The following POLD3 variants were observed in gnomAD, a reference collection of about 807,000 sequenced individuals.
POLD3 encodes DNA polymerase delta 3, accessory subunit.
In POLD3, 19 loss-of-function variants were observed where a neutral mutation model predicts 58.2. That is an observed-to-expected ratio of 0.33 (90% CI 0.23 to 0.48). The LOEUF (loss-of-function observed/expected upper bound fraction) is 0.48, where lower values mean the gene tolerates loss of function less well. Ranked by LOEUF, POLD3 falls within the 20% of genes least tolerant of loss-of-function variation. The probability of loss-of-function intolerance (pLI) is 0.99; values close to 1 mark genes in which losing one functional copy is unlikely to be tolerated. For missense variants in POLD3, 504 were observed against 545.5 expected (o/e 0.92, Z 0.76); for synonymous variants, 172 against 193.5 (o/e 0.89, Z 0.92).
chr11:74,647,563 A>T (rs907065160), downstream of POLD3, among the ~76,000 whole-genome samples: 1 of 152,280 alleles, frequency 6.6e-6, no homozygotes, highest in South Asian at 2.1e-4. Flanking sequence ...ACAGTATAGC[A>T]ACCCCTAAGA....
intron 7 of POLD3, among the ~76,000 whole-genome samples, chr11:74,622,286 T>C (rs2032288368): frequency 6.6e-6 from 1 of 152,112 alleles, no homozygotes; most frequent in African/African-American, 2.4e-5. Context: ...GACATTTGGC[T>C]TGGTTCCAAG....
At chr11:74,661,154 T>C (rs1007112895) in intron 4 of POLD3, among the ~76,000 whole-genome samples, 10 of 152,202 alleles carry the variant, frequency 6.6e-5, no homozygotes, top group African/African-American at 2.4e-4. Context: ...TTGAATTTTC[T>C]GTCTGAAAGG....
Position 74,641,553 on chromosome 11 carries a change from T to A in POLD3, c.*787T>A, listed in dbSNP as rs564046970. On this transcript the variant is annotated 3_prime_UTR_variant, in exon 12 of 12. Transcript: ENST00000263681. Reference sequence around the variant, plus strand: ...GAGCTGCCGTGCTGCTGATACGGGGTGTGCTTTATGCTGCTCTTTGCGGTT... The same window carrying A: ...GAGCTGCCGTGCTGCTGATACGGGGAGTGCTTTATGCTGCTCTTTGCGGTT... 6 of 985,192 alleles carry A rather than the reference T, an allele frequency of 6.1e-6. No individual in the cohort carries two copies. The highest frequency in any genetic ancestry group is 7.2e-6 in the Non-Finnish European group (6 of 829,906). 61.0% of individuals were successfully genotyped at this position (985,192 alleles called of 1,614,324 possible).
At chr11:74,609,372 A>ATATATATT (rs2031821525) in intron 3 of POLD3, among the ~76,000 whole-genome samples, 13 of 27,210 alleles carry the variant, frequency 4.8e-4, no homozygotes, top group Non-Finnish European at 6.1e-4. Flanking sequence ...ATATATATAT[A>ATATATATT]TTTTTTTTTT....
chr11:74,669,280 G>A (rs1469832466), downstream of POLD3, among the ~76,000 whole-genome samples: 1 of 152,224 alleles, frequency 6.6e-6, no homozygotes, highest in Non-Finnish European at 1.5e-5. Context: ...TCAAATGTAA[G>A]GGATTATTAT....
chr11:74,593,257 C>G (rs2031101426), intron 1 of POLD3, among the ~76,000 whole-genome samples: 1 of 152,142 alleles, frequency 6.6e-6, no homozygotes, highest in African/African-American at 2.4e-5. Context: ...TGCTGTGTGC[C>G]AAGGCACTTT....
intron 2 of POLD3, among the ~76,000 whole-genome samples, chr11:74,601,107 G>A (rs2031480278): frequency 6.6e-6 from 1 of 152,204 alleles, no homozygotes; most frequent in Admixed American, 6.5e-5. Flanking sequence ...GGAGACAAGT[G>A]CATAGAGGAC....
chr11:74,622,953 AATG>A (rs1386166214), intron 7 of POLD3, among the ~76,000 whole-genome samples: 2 of 152,268 alleles, frequency 1.3e-5, no homozygotes, highest in African/African-American at 4.8e-5. Flanking sequence ...TCATCTGATG[AATG>A]GATAAACAAA....
Position 74,641,989 on chromosome 11 carries a change from C to A in POLD3, c.*1223C>A. 1 of 985,414 alleles carries A rather than the reference C, an allele frequency of 1.0e-6. No homozygotes were observed. Among genetic ancestry groups the A allele is most frequent in the Non-Finnish European group, 1.2e-6 (1 of 829,936 alleles). 61.0% of individuals were successfully genotyped at this position (985,414 alleles called of 1,614,324 possible). A position where few individuals can be genotyped will look rare whatever the true frequency, so the allele number is the denominator to read the frequency against. Reference sequence around the variant, plus strand: ...GACAGGCGGTGAGCTCAGTGGATTGCAGTGGTGTGCTGGTGATTTTGCACA... The same window carrying A: ...GACAGGCGGTGAGCTCAGTGGATTGAAGTGGTGTGCTGGTGATTTTGCACA... On this transcript the variant is annotated 3_prime_UTR_variant, in exon 12 of 12. Transcript: ENST00000263681.
chr11:74,651,126 C>T (rs1445907541), intron 4 of POLD3, among the ~76,000 whole-genome samples: 1 of 152,238 alleles, frequency 6.6e-6, no homozygotes, highest in Non-Finnish European at 1.5e-5. Context: ...GCTATCTCCT[C>T]CACCACAATA....
At chr11:74,609,582 C>T (rs1252065347) in intron 3 of POLD3, among the ~76,000 whole-genome samples, 3 of 151,320 alleles carry the variant, frequency 2.0e-5, no homozygotes, top group African/African-American at 7.3e-5. Context: ...GGGGCTTTGC[C>T]ATCTCGGCCA....
At chr11:74,606,945 G>A (rs990764282) in intron 3 of POLD3, among the ~76,000 whole-genome samples, 10 of 152,048 alleles carry the variant, frequency 6.6e-5, no homozygotes, top group Non-Finnish European at 1.2e-4. Context: ...TTTATTAAGA[G>A]TGGGGTTGCT....
intron 9 of POLD3, 91 bp downstream of exon 9, chr11:74,629,414 G>GCT: frequency 1.5e-6 from 1 of 683,412 alleles, no homozygotes; most frequent in South Asian, 1.8e-5. Context: ...GGATCACAAT[G>GCT]AGAGTAGTAA....
chr11:74,619,990 A>C, intron 6 of POLD3, 27 bp from the exon 7 acceptor site: 1 of 1,599,728 alleles, frequency 6.3e-7, no homozygotes, highest in Non-Finnish European at 8.6e-7. Context: ...GCCAGCAAAA[A>C]ATCATATGTG....
At chr11:74,601,706 T>C (rs1332970130) in intron 2 of POLD3, among the ~76,000 whole-genome samples, 1 of 152,154 alleles carries the variant, frequency 6.6e-6, no homozygotes, top group Non-Finnish European at 1.5e-5. Flanking sequence ...GAGGATGGCT[T>C]GAGCCCAGGA....
rs565083320 is a variant in POLD3, at chr11:74,637,739, A to C, written c.1198+1464A>C. 4.7e-5 allele frequency among the ~76,000 whole-genome samples: 7 copies of C among 149,042 alleles called. No homozygotes were observed. In the East Asian group the frequency reaches 1.4e-3, roughly 29 times the overall value. ...AGGTGTGTGATGTGGACTTTTTTGC[A>C]CTCCTGTCTCCAGACAGGACTGTTA... is the stretch of plus-strand genomic sequence containing the variant. On this transcript the variant is annotated intron_variant, in intron 11 of 11. Transcript: ENST00000263681.
At chr11:74,652,836 T>C in intron 4 of POLD3, 1 of 171,444 alleles carries the variant, frequency 5.8e-6, no homozygotes, top group Non-Finnish European at 1.3e-5. Flanking sequence ...CAAGAGGTTG[T>C]CATGGACCCA....
intron 4 of POLD3, among the ~76,000 whole-genome samples, chr11:74,654,971 T>C (rs1252968001): frequency 6.6e-6 from 1 of 152,216 alleles, no homozygotes; most frequent in Non-Finnish European, 1.5e-5. Context: ...GCAAAGCACA[T>C]GTGCAGGAGA....
chr11:74,668,203 C>T (rs1210478948), intron 4 of POLD3, among the ~76,000 whole-genome samples: 1 of 152,106 alleles, frequency 6.6e-6, no homozygotes, highest in African/African-American at 2.4e-5. Flanking sequence ...TACCCTATGA[C>T]CCAGAAATTT....
Sources: gnomAD v4.1 joint callset for allele counts (sites outside exome capture counted in the v4.1 genomes callset) on GRCh38, gnomAD v4.1.1 for gene constraint, MANE v1.5 for transcripts, NCBI Gene and HGNC (gene_info 2026-07-23, HGNC 2026-07-21) for gene names.